Variants in DNAH3 observed in about 807,000 individuals in gnomAD.
DNAH3 encodes dynein axonemal heavy chain 3, also known as axonemal beta dynein heavy chain 3.
Under a neutral mutation model 432.5 loss-of-function variants are expected in DNAH3, and 332 were observed. The ratio of observed to expected loss-of-function variants is 0.77; its 90% CI spans 0.70 to 0.84. DNAH3 has a LOEUF of 0.84. Among genes scored for constraint, DNAH3 ranks in the 40% least tolerant of loss-of-function variants. The pLI, the probability that DNAH3 is intolerant of heterozygous loss-of-function variation, is 0.00. For synonymous variants in DNAH3, 1,956 were observed against 1,900.2 expected, an observed-to-expected ratio of 1.03 and a Z score of -0.76; for missense variants, 4,861 against 5,114.0, an observed-to-expected ratio of 0.95 and a Z score of 1.51.
intron 21 of DNAH3, 102 bp downstream of exon 21, chr16:21,075,343 TTC>T: frequency 1.2e-6 from 1 of 842,884 alleles, no homozygotes; most frequent in Admixed American, 1.9e-5. Flanking sequence ...GAGCGATTAT[TTC>T]TCTGTGAGTT....
At position 21,121,641 on chromosome 16, in the gene DNAH3, G is replaced by A. The variant is rs184299133; in HGVS notation, c.1584+304C>T. On this transcript the variant is annotated intron_variant, in intron 10 of 61. Transcript: ENST00000261383. ...TTTGGAGATGGAGTCTCGCTCTGTCGCCCAGGCAGGAGTGCGGTGACGCCA... is the reference window on the plus strand; with the variant it reads ...TTTGGAGATGGAGTCTCGCTCTGTCACCCAGGCAGGAGTGCGGTGACGCCA... Among the ~76,000 whole-genome samples the A allele has an allele frequency of 8.9e-4, 125 of 140,594 alleles. 2 individuals are homozygous for A. The highest frequency in any genetic ancestry group is 7.7e-3 in the Admixed American group (98 of 12,738). The allele number at this position is 140,594 out of a possible 152,430, so 92.2% of individuals were successfully genotyped here.
chr16:21,069,451 A>G (rs1311193024), exon 23 of DNAH3: 1 of 1,614,118 alleles, frequency 6.2e-7, no homozygotes, highest in Admixed American at 1.7e-5. Context: ...AACTATCAAC[A>G]ATGCCAAATT....
At chr16:21,104,073 A>G (rs1385791128) in intron 16 of DNAH3, 1 of 186,776 alleles carries the variant, frequency 5.4e-6, no homozygotes, top group African/African-American at 2.4e-5. Flanking sequence ...AAAATAGGCA[A>G]TTTCTCAGCC....
At chr16:21,082,467 T>C (rs1429927433) in intron 19 of DNAH3, among the ~76,000 whole-genome samples, 2 of 152,298 alleles carry the variant, frequency 1.3e-5, no homozygotes, top group East Asian at 1.9e-4. Flanking sequence ...CTCCCAAAAA[T>C]GCTGGGATTA....
chr16:20,944,818 C>A (rs924045379), intron 57 of DNAH3, among the ~76,000 whole-genome samples, 155 bp from the exon 58 acceptor site: 1 of 151,412 alleles, frequency 6.6e-6, no homozygotes, highest in Non-Finnish European at 1.5e-5. Flanking sequence ...GAGAACACAA[C>A]CCTAGCCCTC....
chr16:21,039,674 G>A (rs902301783), intron 33 of DNAH3, among the ~76,000 whole-genome samples, 178 bp downstream of exon 33: 2 of 152,158 alleles, frequency 1.3e-5, no homozygotes, highest in Non-Finnish European at 2.9e-5. Context: ...CCATTTCCCC[G>A]TCAGAAATGG....
At chr16:20,962,406 A>G (rs1014483794) in intron 53 of DNAH3, among the ~76,000 whole-genome samples, 1 of 152,082 alleles carries the variant, frequency 6.6e-6, no homozygotes, top group Non-Finnish European at 1.5e-5. Flanking sequence ...GCTTCTTTAA[A>G]CTCCCCAGGT....
intron 31 of DNAH3, among the ~76,000 whole-genome samples, chr16:21,045,800 T>C (rs2089668813): frequency 6.7e-6 from 1 of 150,254 alleles, no homozygotes; most frequent in Non-Finnish European, 1.5e-5. Context: ...CTGCTTTCTC[T>C]TGTGGGCATT....
chr16:21,131,679 G>C (rs2092564583), intron 7 of DNAH3, among the ~76,000 whole-genome samples: 1 of 151,650 alleles, frequency 6.6e-6, no homozygotes, highest in Admixed American at 6.6e-5. Context: ...GAGAAACCCT[G>C]TCTCTACTAA....
intron 7 of DNAH3, among the ~76,000 whole-genome samples, chr16:21,131,418 A>G (rs2092554449): frequency 6.6e-6 from 1 of 151,512 alleles, no homozygotes; most frequent in Admixed American, 6.6e-5. Context: ...TCAAAGAGAA[A>G]GAAAGAAGAA....
chr16:21,063,691 T>C (rs564587077), intron 24 of DNAH3, among the ~76,000 whole-genome samples: 11 of 152,010 alleles, frequency 7.2e-5, no homozygotes, highest in South Asian at 6.2e-4. Context: ...TACAGGCGCA[T>C]GCCACCACGC....
chr16:21,141,336 G>GT lies in DNAH3; in HGVS notation c.484dup (p.Thr162AsnfsTer13), dbSNP rs757176090. On this transcript the variant is annotated frameshift_variant, in exon 4 of 62. Transcript: ENST00000261383. LOFTEE classifies it high-confidence loss of function. ...CTCTTTGTTTCTGGAGGAAAACTTCGTTTTTTTCCTCATGGGCTCTGATGA... is the reference window on the plus strand; with the variant it reads ...CTCTTTGTTTCTGGAGGAAAACTTCGTTTTTTTTCCTCATGGGCTCTGATGA... 3.1e-6 allele frequency: 5 copies of GT among 1,592,308 alleles called. No homozygotes were observed. In the East Asian group the frequency reaches 6.8e-5, roughly 22 times the overall value.
At chr16:20,989,069 A>G (rs1217370741) in intron 44 of DNAH3, among the ~76,000 whole-genome samples, 2 of 152,198 alleles carry the variant, frequency 1.3e-5, no homozygotes, top group Non-Finnish European at 2.9e-5. Context: ...GCAAAGAGCG[A>G]AAGAACAAAG....
intron 41 of DNAH3, among the ~76,000 whole-genome samples, chr16:21,007,878 T>C (rs1467568336): frequency 2.0e-5 from 3 of 152,224 alleles, no homozygotes; most frequent in South Asian, 2.1e-4. Context: ...TTTTTCACTA[T>C]AGTGTGAGGC....
At chr16:21,157,025 A>ACACACACACACACACACACACAC (rs2092902716) in intron 1 of DNAH3, among the ~76,000 whole-genome samples, 2 of 151,372 alleles carry the variant, frequency 1.3e-5, no homozygotes, top group African/African-American at 4.9e-5. Context: ...ACACACACAC[A>ACACACACACACACACACACACAC]ATCTTTTCCT....
intron 21 of DNAH3, among the ~76,000 whole-genome samples, chr16:21,073,294 G>A (rs1350288610): frequency 6.6e-6 from 1 of 152,114 alleles, no homozygotes; most frequent in Non-Finnish European, 1.5e-5. Flanking sequence ...AGTTACTTTA[G>A]GCAAAAACTC....
At chr16:21,140,510 A>T in intron 5 of DNAH3, 26 bp downstream of exon 6, 5 of 1,606,000 alleles carry the variant, frequency 3.1e-6, no homozygotes, top group Non-Finnish European at 4.3e-6. Context: ...CAGCAAACCG[A>T]GGGAAAGGGG....
chr16:20,982,375 G>C (rs112953991), intron 49 of DNAH3, among the ~76,000 whole-genome samples: 11 of 152,124 alleles, frequency 7.2e-5, no homozygotes, highest in African/African-American at 2.2e-4. Context: ...GATAGAGCAA[G>C]ACTCCATCTC....
intron 36 of DNAH3, among the ~76,000 whole-genome samples, chr16:21,032,035 G>GAAA (rs35664744): frequency 0.017 from 2,486 of 144,016 alleles, 68 homozygotes; most frequent in African/African-American, 0.058. Context: ...ACTCTGTCTC[G>GAAA]AAAAAAAAAA....
Sources: gnomAD v4.1 joint callset for allele counts (sites outside exome capture counted in the v4.1 genomes callset) on GRCh38, gnomAD v4.1.1 for gene constraint, MANE v1.5 for transcripts, NCBI Gene and HGNC (gene_info 2026-07-23, HGNC 2026-07-21) for gene names.